SLIT2: variants seen among roughly 807,000 people sequenced by gnomAD.
The protein encoded by SLIT2 is slit guidance ligand 2.
Under a neutral mutation model 185.7 loss-of-function variants are expected in SLIT2, and 41 were observed. That is an observed-to-expected ratio of 0.22 (90% CI 0.17 to 0.29). SLIT2 has a LOEUF of 0.29. SLIT2 is among the 10% of genes least tolerant of loss of function. The pLI is 1.00. For synonymous variants in SLIT2, 693 were observed against 680.2 expected (o/e 1.02, Z -0.29); for missense variants, 1,571 against 1,909.0 (o/e 0.82, Z 3.30).
At chr4:20,488,217 T>C (rs892281218) in intron 7 of SLIT2, among the ~76,000 whole-genome samples, 8 of 152,194 alleles carry the variant, frequency 5.3e-5, no homozygotes, top group African/African-American at 1.9e-4. Flanking sequence ...GTCCCTGCTC[T>C]TTGAGGCTAG....
intron 22 of SLIT2, 142 bp from the exon 23 acceptor site, chr4:20,548,346 G>A (rs578213760): frequency 2.9e-5 from 17 of 586,290 alleles, no homozygotes; most frequent in African/African-American, 5.6e-5. Flanking sequence ...CCAGTGGGTC[G>A]TTCACTGTTT....
In SLIT2 at chr4:20,386,398, TGTGACACAAGTGTGTCACACAA is replaced by T. The variant is rs547063118; in HGVS notation, c.396-81345_396-81324del. On this transcript the variant is annotated intron_variant, in intron 4 of 36. Transcript: ENST00000504154. Reference sequence around the variant, plus strand: ...CTTCTTTAATAACGGGTTGTGTTTGTGTGACACAAGTGTGTCACACAAGTGACACATTGTATCTTCTTAAACT... The same window carrying T: ...CTTCTTTAATAACGGGTTGTGTTTGTGTGACACATTGTATCTTCTTAAACT... 4.9e-4 allele frequency among the ~76,000 whole-genome samples: 75 copies of T among 152,330 alleles called. 1 individual carries two copies. Among genetic ancestry groups the T allele is most frequent in the East Asian group, 1.7e-3 (9 of 5,182 alleles).
intron 4 of SLIT2, among the ~76,000 whole-genome samples, chr4:20,325,161 C>G (rs762882204): frequency 2.0e-5 from 3 of 151,792 alleles, no homozygotes; most frequent in Admixed American, 6.6e-5. Context: ...CTACCCTCAT[C>G]TTATCTTTCG....
intron 3 of SLIT2, among the ~76,000 whole-genome samples, chr4:20,266,285 T>G (rs535949841): frequency 6.6e-6 from 1 of 151,982 alleles, no homozygotes; most frequent in Non-Finnish European, 1.5e-5. Flanking sequence ...TGGTAGCAGC[T>G]GTTACTCACT....
chr4:20,334,674 T>C (rs1329640106), intron 4 of SLIT2, among the ~76,000 whole-genome samples: 1 of 152,146 alleles, frequency 6.6e-6, no homozygotes, highest in Admixed American at 6.5e-5. Context: ...AATTTATCTT[T>C]ATATGTCCAT....
At chr4:20,496,208 T>G (rs1423727971) in intron 9 of SLIT2, among the ~76,000 whole-genome samples, 1 of 152,280 alleles carries the variant, frequency 6.6e-6, no homozygotes, top group East Asian at 1.9e-4. Context: ...TAGAAAATAA[T>G]GACTCATTTT....
chr4:20,322,766 G>T, intron 4 of SLIT2, among the ~76,000 whole-genome samples: 1 of 152,008 alleles, frequency 6.6e-6, no homozygotes, highest in Middle Eastern at 3.2e-3. Flanking sequence ...TTAATTCCCC[G>T]CAGTGTCTAG....
intron 4 of SLIT2, among the ~76,000 whole-genome samples, chr4:20,333,768 G>A (rs1001563657): frequency 6.6e-6 from 1 of 152,068 alleles, no homozygotes; most frequent in African/African-American, 2.4e-5. Context: ...AATAACACAG[G>A]TCAAGGATAC....
At chr4:20,575,108 G>A (rs1388770255) in intron 29 of SLIT2, among the ~76,000 whole-genome samples, 1 of 152,092 alleles carries the variant, frequency 6.6e-6, no homozygotes, top group Non-Finnish European at 1.5e-5. Flanking sequence ...AAACATAATA[G>A]CAATTATTCC....
chr4:20,288,128 C>G (rs947725981), intron 4 of SLIT2, among the ~76,000 whole-genome samples: 1 of 152,086 alleles, frequency 6.6e-6, no homozygotes, highest in Non-Finnish European at 1.5e-5. Context: ...TATTGTATGC[C>G]ATCACGTTTA....
intron 4 of SLIT2, among the ~76,000 whole-genome samples, chr4:20,367,597 T>C (rs1723216302): frequency 1.3e-5 from 2 of 152,194 alleles, no homozygotes; most frequent in East Asian, 3.9e-4. Flanking sequence ...ATACTAGTTC[T>C]CTGCTGTCAT....
chr4:20,384,043 A>G (rs923075684), intron 4 of SLIT2, among the ~76,000 whole-genome samples: 1 of 151,992 alleles, frequency 6.6e-6, no homozygotes, highest in African/African-American at 2.4e-5. Context: ...AACAGAAAAG[A>G]AATTTTTATT....
At chr4:20,355,121 A>G (rs1218030250) in intron 4 of SLIT2, among the ~76,000 whole-genome samples, 1 of 152,170 alleles carries the variant, frequency 6.6e-6, no homozygotes, top group Non-Finnish European at 1.5e-5. Flanking sequence ...TGGAATTTTA[A>G]TTATATCCAC....
intron 6 of SLIT2, among the ~76,000 whole-genome samples, chr4:20,483,797 G>A (rs546284659): frequency 2.0e-5 from 3 of 152,028 alleles, no homozygotes; most frequent in South Asian, 2.1e-4. Context: ...ACTTACACAT[G>A]GGAGAAAATG....
At chr4:20,514,447 C>T (rs1720020299) in intron 11 of SLIT2, among the ~76,000 whole-genome samples, 1 of 152,068 alleles carries the variant, frequency 6.6e-6, no homozygotes, top group South Asian at 2.1e-4. Context: ...TCAAGACTGG[C>T]CTGGCCAACA....
At position 20,553,902 on chromosome 4, in the gene SLIT2, G is replaced by A; in HGVS notation, c.2659G>A (p.Ala887Thr). 6.2e-7 allele frequency: 1 copy of A among 1,612,986 alleles called. No homozygotes were observed. Among genetic ancestry groups the A allele is most frequent in the Non-Finnish European group, 8.5e-7 (1 of 1,179,692 alleles). The change falls in exon 26 of 37, where the codon GCT becomes ACT. Residue 887 changes from alanine to threonine, a missense_variant. This residue lies in a region of SLIT2 where 1,202 missense variants were observed against 1,416.4 expected (regional missense o/e 0.85). Coordinates refer to ENST00000504154, the MANE Select transcript of SLIT2 (RefSeq NM_004787.4). ...TAAGGAGCCTGGAATTGCTCGTTGTGCTGGTCCTGGAGAAATGGCAGATAA... is the reference window on the plus strand; with the variant it reads ...TAAGGAGCCTGGAATTGCTCGTTGTACTGGTCCTGGAGAAATGGCAGATAA... Reference protein sequence around the residue: ...EYKEPGIARCAGPGEMADKLL... With the variant: ...EYKEPGIARCTGPGEMADKLL...
chr4:20,298,701 A>G (rs1297679279), intron 4 of SLIT2, among the ~76,000 whole-genome samples: 2 of 152,380 alleles, frequency 1.3e-5, no homozygotes, highest in African/African-American at 2.4e-5. Context: ...CCCAAGAAAC[A>G]CAATGAGGAT....
At chr4:20,416,262 T>G (rs1428584530) in intron 4 of SLIT2, among the ~76,000 whole-genome samples, 1 of 152,128 alleles carries the variant, frequency 6.6e-6, no homozygotes, top group Non-Finnish European at 1.5e-5. Context: ...CACCAGCAGA[T>G]TTGGTTTGAC....
intron 4 of SLIT2, among the ~76,000 whole-genome samples, chr4:20,380,604 T>C (rs1002227688): frequency 3.3e-5 from 5 of 152,008 alleles, no homozygotes; most frequent in African/African-American, 4.8e-5. Context: ...CAAGTCAGTC[T>C]CAACAGATGA....
Sources: gnomAD v4.1 joint callset for allele counts (sites outside exome capture counted in the v4.1 genomes callset) on GRCh38, gnomAD v4.1.1 for gene constraint, gnomAD v4.1.1 regional missense constraint, MANE v1.5 for transcripts, NCBI Gene and HGNC (gene_info 2026-07-23, HGNC 2026-07-21) for gene names.